The following ZYG11A variants were observed in gnomAD, a reference collection of about 807,000 sequenced individuals.
ZYG11A encodes the protein zyg-11 family member A, cell cycle regulator, also known as protein zyg-11 homolog A.
ZYG11A carries 62 observed loss-of-function variants against 77.2 expected under a neutral mutation model. That is an observed-to-expected ratio of 0.80 (90% CI 0.65 to 0.99). ZYG11A has a LOEUF of 0.99. Ranked by LOEUF, ZYG11A falls within the 50% of genes least tolerant of loss-of-function variation. The pLI is 0.00. For missense variants in ZYG11A, 828 were observed against 896.8 expected, an observed-to-expected ratio of 0.92 and a Z score of 0.98; for synonymous variants, 315 against 324.6, an observed-to-expected ratio of 0.97 and a Z score of 0.32.
intron 1 of ZYG11A, among the ~76,000 whole-genome samples, chr1:52,849,425 G>A (rs978407255): frequency 2.6e-5 from 4 of 151,528 alleles, no homozygotes; most frequent in South Asian, 2.1e-4. Context: ...GTGCAGTGGC[G>A]CGATCTCCGC....
intron 1 of ZYG11A, among the ~76,000 whole-genome samples, chr1:52,851,216 TC>T (rs1386995845): frequency 2.6e-5 from 4 of 151,218 alleles, no homozygotes; most frequent in African/African-American, 9.8e-5. Context: ...GCTAATTTTT[TC>T]GTATTTTTTG....
At chr1:52,877,147 A>C (rs2150014411) in intron 8 of ZYG11A, among the ~76,000 whole-genome samples, 1 of 152,042 alleles carries the variant, frequency 6.6e-6, no homozygotes, top group East Asian at 1.9e-4. Context: ...CCGTTCCTGC[A>C]TGTCCCCATT....
chr1:52,850,282 C>T (rs1205414920), intron 1 of ZYG11A, among the ~76,000 whole-genome samples: 6 of 151,628 alleles, frequency 4.0e-5, no homozygotes, highest in African/African-American at 7.3e-5. Flanking sequence ...TCCAAAGTAG[C>T]TGGGACTTAC....
chr1:52,850,836 T>G (rs1390461294), intron 1 of ZYG11A, among the ~76,000 whole-genome samples: 1 of 152,190 alleles, frequency 6.6e-6, no homozygotes, highest in African/African-American at 2.4e-5. Flanking sequence ...ATTTGTTCTT[T>G]TATTGTGTTC....
intron 1 of ZYG11A, 147 bp downstream of exon 1, chr1:52,843,120 A>G: frequency 3.3e-6 from 2 of 614,674 alleles, no homozygotes; most frequent in Non-Finnish European, 2.4e-6. Flanking sequence ...AGCCCCTTCC[A>G]GGCGCAGGCG....
chr1:52,874,358 C>T (rs991592140), intron 8 of ZYG11A, among the ~76,000 whole-genome samples: 2 of 152,102 alleles, frequency 1.3e-5, no homozygotes, highest in African/African-American at 4.8e-5. Flanking sequence ...GATCTTCCTG[C>T]CTCAGCCTCC....
At chr1:52,861,721 G>A (rs57057204) in intron 4 of ZYG11A, among the ~76,000 whole-genome samples, 1 of 152,026 alleles carries the variant, frequency 6.6e-6, no homozygotes, top group East Asian at 1.9e-4. Flanking sequence ...TTACAGCATG[G>A]GAGATTAACT....
At chr1:52,856,378 C>T (rs982610943) in intron 2 of ZYG11A, among the ~76,000 whole-genome samples, 2 of 147,094 alleles carry the variant, frequency 1.4e-5, no homozygotes, top group Non-Finnish European at 3.0e-5. Context: ...GCAAGGGAAT[C>T]GCTTGAACTT....
intron 13 of ZYG11A, among the ~76,000 whole-genome samples, chr1:52,890,201 TAGTTACTTACTTTATTTTAGCATTTGGG>T: frequency 6.6e-6 from 1 of 150,444 alleles, no homozygotes; most frequent in Non-Finnish European, 1.5e-5. Context: ...GAATTCCAGA[TAGTTACTTACTTTATTTTAGCATTTGGG>T]AGAAAAATAT....
rs555146129 is a variant in ZYG11A at position 52,852,148 on chromosome 1, T to A, written c.91-2317T>A. The stretch of plus-strand genomic sequence containing the variant: ...CCAGGCTGGTCTTGAACTGCTGACC[T>A]CATGATCCACCCACCTCAGCCTCCC... On this transcript the variant is annotated intron_variant, in intron 1 of 13. Coordinates refer to ENST00000371528, the MANE Select transcript of ZYG11A (RefSeq NM_001004339.3). Among the ~76,000 whole-genome samples the A allele has an allele frequency of 2.4e-3, 360 of 151,552 alleles. 4 individuals are homozygous for A. The highest frequency in any genetic ancestry group is 8.3e-3 in the African/African-American group (344 of 41,316).
Position 52,857,268 on chromosome 1 carries a change from T to C in ZYG11A, c.527T>C (p.Phe176Ser). Residue 176 changes from phenylalanine to serine, a missense_variant, in exon 3 of 14, where the codon TTC (phenylalanine) becomes TCC (serine). By Grantham distance (155) the Phe-to-Ser change is radical (BLOSUM62 -2). Coordinates refer to ENST00000371528, the MANE Select transcript of ZYG11A (RefSeq NM_001004339.3). Reference sequence around the variant, plus strand: ...ATCCCTCAAAATTCAAGATTACTGTTCTTTAGTCAGCTCACTGGTCTTCGC... The same window carrying C: ...ATCCCTCAAAATTCAAGATTACTGTCCTTTAGTCAGCTCACTGGTCTTCGC... The part of the protein sequence containing the change: ...TSIPQNSRLL[F>S]FSQLTGLRIL... 6.4e-7 allele frequency: 1 copy of C among 1,552,180 alleles called. No homozygotes were observed. The highest frequency in any genetic ancestry group is 8.7e-7 in the Non-Finnish European group (1 of 1,147,126).
chr1:52,847,845 T>TTTAC (rs909475151), intron 1 of ZYG11A, among the ~76,000 whole-genome samples: 1 of 88,274 alleles, frequency 1.1e-5, no homozygotes, highest in Admixed American at 1.0e-4. Flanking sequence ...AATTTATTTA[T>TTTAC]TTATTTATTT....
intron 1 of ZYG11A, 91 bp from the exon 2 acceptor site, chr1:52,854,374 C>A: frequency 8.4e-7 from 1 of 1,183,648 alleles, no homozygotes; most frequent in Admixed American, 2.8e-5. Context: ...CAGATACTCT[C>A]ATCAAGTGGA....
In ZYG11A at chr1:52,861,003, GA is replaced by G. The variant is rs1481139217; in HGVS notation, c.1149+134del. The G allele has an allele frequency of 5.6e-5, 49 of 878,886 alleles. No individual in the cohort carries two copies. The East Asian group carries it at 1.3e-3, about 23-fold the overall frequency. The allele number at this position is 878,886 out of a possible 1,614,324, so 54.4% of individuals were successfully genotyped here. On this transcript the variant is annotated intron_variant, in intron 4 of 13. Transcript: ENST00000371528. ...GAGTCAAGTGCTCTCATAGAGCAAAGAATGTTAAGCTTAGCTGCCAAAGTGT... is the reference window on the plus strand; with the variant it reads ...GAGTCAAGTGCTCTCATAGAGCAAAGATGTTAAGCTTAGCTGCCAAAGTGT...
In ZYG11A at chr1:52,893,009, C is replaced by T. The variant is rs1462902495; in HGVS notation, c.*52C>T. 26 of 1,489,330 alleles carry T rather than the reference C, an allele frequency of 1.7e-5. No individual in the cohort carries two copies. The highest frequency in any genetic ancestry group is 2.3e-5 in the Non-Finnish European group (25 of 1,102,792). 92.3% of individuals were successfully genotyped at this position (1,489,330 alleles called of 1,614,324 possible). ...TCTTCCTCAATGTCAGGTGTTCTGC[C>T]CTGGCAGTAATTGCACATCAGTTGT... On this transcript the variant is annotated 3_prime_UTR_variant, in exon 14 of 14. Coordinates refer to ENST00000371528, the MANE Select transcript of ZYG11A (RefSeq NM_001004339.3).
chr1:52,862,225 G>A (rs1645941252), intron 4 of ZYG11A, among the ~76,000 whole-genome samples: 2 of 150,800 alleles, frequency 1.3e-5, no homozygotes, highest in Admixed American at 6.6e-5. Context: ...CAAAAAAAAA[G>A]TTAGGTGGGC....
chr1:52,850,745 T>C (rs943823733), intron 1 of ZYG11A, among the ~76,000 whole-genome samples: 1 of 152,190 alleles, frequency 6.6e-6, no homozygotes, highest in Non-Finnish European at 1.5e-5. Context: ...TGAGCCACTA[T>C]GTCTGGCCTG....
intron 1 of ZYG11A, among the ~76,000 whole-genome samples, chr1:52,850,556 G>T (rs1297950191): frequency 6.6e-6 from 1 of 152,114 alleles, no homozygotes; most frequent in African/African-American, 2.4e-5. Flanking sequence ...CTGACCTTGT[G>T]ATTCGCCTGC....
rs535987595 is a variant in ZYG11A, at chr1:52,860,040, A to G, written c.1009-691A>G. ...GAAATTGGGTAATGTGACTTCTTCA[A>G]CTGTTATTCTGTTTCATAATTGTTT... On this transcript the variant is annotated intron_variant, in intron 3 of 13. Transcript: ENST00000371528. Among the ~76,000 whole-genome samples the G allele has an allele frequency of 3.3e-5, 5 of 152,166 alleles. No individual in the cohort carries two copies. The South Asian group carries it at 1.0e-3, about 32-fold the overall frequency.
Sources: gnomAD v4.1 joint callset for allele counts (sites outside exome capture counted in the v4.1 genomes callset) on GRCh38, gnomAD v4.1.1 for gene constraint, MANE v1.5 for transcripts, NCBI Gene and HGNC (gene_info 2026-07-23, HGNC 2026-07-21) for gene names.